GGT1: variants seen among roughly 807,000 people sequenced by gnomAD.
The protein encoded by GGT1 is gamma-glutamyltransferase 1, also known as glutathione hydrolase 1 proenzyme.
In GGT1, 21 loss-of-function variants were observed where a neutral mutation model predicts 56.0. The ratio of observed to expected loss-of-function variants is 0.38; its 90% CI spans 0.27 to 0.54. The LOEUF (loss-of-function observed/expected upper bound fraction) is 0.54, where lower values mean the gene tolerates loss of function less well. Ranked by LOEUF, GGT1 falls within the 20% of genes least tolerant of loss-of-function variation. GGT1 has a pLI of 0.82. For synonymous variants in GGT1, 238 were observed against 342.6 expected (o/e 0.69, Z 3.37); for missense variants, 466 against 787.0 (o/e 0.59, Z 4.88).
At chr22:24,586,330 C>T in the GGT1 span, 1 of 1,613,990 alleles carries the variant, frequency 6.2e-7, no homozygotes, top group Non-Finnish European at 8.5e-7. Flanking sequence ...TGATGTGTTG[C>T]ACGTCCTGTG....
chr22:24,627,869 G>A lies in GGT1; in HGVS notation c.1226G>A (p.Arg409His), dbSNP rs777541666. The change falls in exon 13 of 16, where the codon CGC becomes CAC. Residue 409 changes from arginine to histidine, a missense_variant. Transcript: ENST00000400382. ...GGCGGTAGCTTTGGCTCCAAGGTCC[G>A]CTCCCCGGTCAGCGGGATCCTGTTC... ...TINLYFGSKV[R>H]SPVSGILFNN... is the part of the protein sequence containing the mutation. The A allele has an allele frequency of 6.1e-5, 99 of 1,613,440 alleles. No homozygotes were observed. The highest frequency in any genetic ancestry group is 1.6e-4 in the Middle Eastern group (1 of 6,072).
At chr22:24,613,897 A>C (rs974077448) in intron 5 of GGT1, among the ~76,000 whole-genome samples, 3 of 151,930 alleles carry the variant, frequency 2.0e-5, no homozygotes, top group Non-Finnish European at 4.4e-5. Flanking sequence ...AAAAAAGACA[A>C]AAAATTGCCA....
At chr22:24,592,007 C>A (rs1039724507), upstream of GGT1, among the ~76,000 whole-genome samples, 5 of 152,228 alleles carry the variant, frequency 3.3e-5, no homozygotes, top group African/African-American at 1.2e-4. Flanking sequence ...GTGACCACTT[C>A]GCTCCATGCC....
upstream of GGT1, among the ~76,000 whole-genome samples, chr22:24,600,445 C>T (rs945353611): frequency 1.3e-5 from 2 of 152,226 alleles, no homozygotes; most frequent in Non-Finnish European, 2.9e-5. Context: ...TGGACTTGTT[C>T]CATCAAGTGC....
At chr22:24,605,154 TTATATTA>T (rs1191321662) in intron 1 of GGT1, among the ~76,000 whole-genome samples, 186 of 3,012 alleles carry the variant, frequency 0.062, 77 homozygotes, top group African/African-American at 0.28. Context: ...ATAATATGTA[TTATATTA>T]TATATTATAT....
At chr22:24,589,384 G>A in the GGT1 span, 2 of 1,107,128 alleles carry the variant, frequency 1.8e-6, no homozygotes, top group African/African-American at 3.4e-5. Context: ...TGTCTGTACA[G>A]GATGGAGACC....
chr22:24,598,816 G>C (rs61346045), upstream of GGT1, among the ~76,000 whole-genome samples: 6,059 of 152,278 alleles, frequency 0.04, 392 homozygotes, highest in African/African-American at 0.14. Context: ...CCCTCCCAAA[G>C]CGCTGGGATT....
In GGT1 at chr22:24,611,153, C is replaced by T. The variant is rs201439110; in HGVS notation, c.72C>T (p.Leu24=). The part of the protein sequence containing the change: ...VLVLVIVGLC[L]WLPSASKEPD... ...TGCTGGTCATTGTCGGCCTCTGTCT[C>T]TGGCTGCCCTCAGCCTCCAAGGAAC... Residue 24 remains leucine (L), a synonymous_variant, in exon 5 of 16, where the codon CTC becomes CTT. Transcript: ENST00000400382. 275 of 1,599,872 alleles carry T rather than the reference C, an allele frequency of 1.7e-4. 1 individual carries two copies. Among genetic ancestry groups the T allele is most frequent in the Non-Finnish European group, 2.2e-4 (262 of 1,173,598 alleles).
chr22:24,586,074 A>C, the GGT1 span: 7 of 1,612,166 alleles, frequency 4.3e-6, no homozygotes. Flanking sequence ...TGGGGCAGGG[A>C]AGCCACATCC....
At chr22:24,592,478 A>C (rs2045599271), upstream of GGT1, 9 of 455,044 alleles carry the variant, frequency 2.0e-5, no homozygotes, top group South Asian at 1.4e-4. Flanking sequence ...AGATGATTTG[A>C]CCTCACTTGC....
chr22:24,599,877 A>G (rs2045755929), upstream of GGT1, among the ~76,000 whole-genome samples: 1 of 152,224 alleles, frequency 6.6e-6, no homozygotes, highest in Non-Finnish European at 1.5e-5. Flanking sequence ...CAGTTTTGGC[A>G]TCAGTGAAGT....
At chr22:24,616,944 T>C (rs1017032054) in intron 7 of GGT1, among the ~76,000 whole-genome samples, 10 of 152,192 alleles carry the variant, frequency 6.6e-5, no homozygotes, top group African/African-American at 2.2e-4. Context: ...CTTGGCACCT[T>C]GTGGACTCTT....
the GGT1 span, chr22:24,589,133 C>G: frequency 1.8e-6 from 2 of 1,131,818 alleles, no homozygotes; most frequent in Non-Finnish European, 2.2e-6. Flanking sequence ...GAGCGGATAC[C>G]CTGGTTTTGG....
Position 24,623,208 on chromosome 22 carries a change from G to A in GGT1, c.835G>A (p.Ala279Thr), listed in dbSNP as rs2047537274. Residue 279 changes from alanine to threonine, a missense_variant, in exon 10 of 16, where the codon GCG (alanine) becomes ACG (threonine). Transcript: ENST00000400382. ...LGDVVLYMPS[A>T]PLSGPVLALI... Reference sequence around the variant, plus strand: ...AGACGTGGTGCTGTACATGCCCAGTGCGCCGCTCAGCGGGCCCGTGCTGGC... The same window carrying A: ...AGACGTGGTGCTGTACATGCCCAGTACGCCGCTCAGCGGGCCCGTGCTGGC... 4 of 1,600,260 alleles carry A rather than the reference G, an allele frequency of 2.5e-6. No homozygotes were observed. The highest frequency in any genetic ancestry group is 3.4e-6 in the Non-Finnish European group (4 of 1,173,734).
chr22:24,591,699 C>A (rs1397778129), upstream of GGT1, among the ~76,000 whole-genome samples: 1 of 152,220 alleles, frequency 6.6e-6, no homozygotes, highest in Non-Finnish European at 1.5e-5. Context: ...AGGCAGCATC[C>A]CAGACTGAGA....
At chr22:24,585,303 C>A in the GGT1 span, among the ~76,000 whole-genome samples, 1 of 152,332 alleles carries the variant, frequency 6.6e-6, no homozygotes, top group East Asian at 1.9e-4. Flanking sequence ...TGGGCTCAGA[C>A]GTGAGCTTGC....
chr22:24,589,398 G>A, the GGT1 span: 3 of 1,072,038 alleles, frequency 2.8e-6, no homozygotes. Context: ...GGAGACCTGC[G>A]GACAGACGGG....
chr22:24,603,608 T>TTC (rs1482314156), intron 1 of GGT1, 81 bp downstream of exon 1: 1 of 152,120 alleles, frequency 6.6e-6, no homozygotes, highest in African/African-American at 2.4e-5. Flanking sequence ...TTATGTGAGT[T>TTC]TGAGTGAGGT....
At chr22:24,589,914 G>A, upstream of GGT1, 1 of 1,611,872 alleles carries the variant, frequency 6.2e-7, no homozygotes. Context: ...CTCTGTAGAG[G>A]ATATCAGGAA....
Sources: gnomAD v4.1 joint callset for allele counts (sites outside exome capture counted in the v4.1 genomes callset) on GRCh38, gnomAD v4.1.1 for gene constraint, MANE v1.5 for transcripts, NCBI Gene and HGNC (gene_info 2026-07-23, HGNC 2026-07-21) for gene names.